Variants in ASCC1 observed in about 807,000 individuals in gnomAD.
ASCC1 encodes the protein activating signal cointegrator 1 complex subunit 1.
ASCC1 carries 35 observed loss-of-function variants against 46.6 expected under a neutral mutation model. The observed-to-expected ratio is 0.75, with a 90% CI of 0.57 to 0.99. The LOEUF (loss-of-function observed/expected upper bound fraction) is 0.99. ASCC1 is among the 50% of genes least tolerant of loss of function. The probability of loss-of-function intolerance (pLI) is 0.00; values close to 1 mark genes in which losing one functional copy is unlikely to be tolerated. For synonymous variants in ASCC1, 143 were observed against 146.6 expected (o/e 0.98, Z 0.18); for missense variants, 376 against 428.7 (o/e 0.88, Z 1.09).
rs554757187 is a variant in ASCC1, at chr10:72,186,093, G to A, written c.489+10718C>T. Among the ~76,000 whole-genome samples, 7 of 151,888 alleles carry A rather than the reference G, an allele frequency of 4.6e-5. 1 individual carries two copies. The South Asian group carries it at 8.3e-4, about 18-fold the overall frequency. ...TTAAAAATGGGAGTTAGCTTCTAAT[G>A]TATGGACCTGAAATATCATACGTAT... On this transcript the variant is annotated intron_variant, in intron 5 of 9. Coordinates refer to ENST00000672957, the MANE Select transcript of ASCC1 (RefSeq NM_001198800.3).
intron 5 of ASCC1, among the ~76,000 whole-genome samples, chr10:72,186,748 A>T (rs7088071): frequency 0.14 from 21,712 of 152,088 alleles, 4,426 homozygotes; most frequent in African/African-American, 0.45. Context: ...TTGAAGACAG[A>T]AAAGAGACTA....
At chr10:72,105,304 A>T (rs987385501) in intron 9 of ASCC1, among the ~76,000 whole-genome samples, 3 of 152,122 alleles carry the variant, frequency 2.0e-5, no homozygotes, top group African/African-American at 7.2e-5. Context: ...GGCTTTGGGG[A>T]TCGCTGGCAC....
intron 5 of ASCC1, among the ~76,000 whole-genome samples, chr10:72,174,432 C>T (rs1851616780): frequency 6.6e-6 from 1 of 152,148 alleles, no homozygotes; most frequent in Non-Finnish European, 1.5e-5. Flanking sequence ...TTCTCTGCTT[C>T]CTTAAAGCTC....
chr10:72,199,888 C>T (rs911343953), intron 4 of ASCC1, among the ~76,000 whole-genome samples: 1 of 152,018 alleles, frequency 6.6e-6, no homozygotes, highest in Non-Finnish European at 1.5e-5. Flanking sequence ...TGTGCCACCA[C>T]ACCCAGCCAA....
chr10:72,153,448 G>A (rs1322863019), intron 6 of ASCC1, among the ~76,000 whole-genome samples: 6 of 144,460 alleles, frequency 4.2e-5, no homozygotes, highest in East Asian at 2.0e-4. Flanking sequence ...TTTGTTTTGA[G>A]ACGGAGTTTT....
At chr10:72,180,405 C>T (rs1292391075) in intron 5 of ASCC1, among the ~76,000 whole-genome samples, 2 of 152,168 alleles carry the variant, frequency 1.3e-5, no homozygotes, top group Non-Finnish European at 2.9e-5. Context: ...GCAGGCAGAT[C>T]ACTTGAGGCC....
At chr10:72,201,064 A>G (rs1856431102) in intron 4 of ASCC1, among the ~76,000 whole-genome samples, 1 of 152,230 alleles carries the variant, frequency 6.6e-6, no homozygotes, top group African/African-American at 2.4e-5. Flanking sequence ...GATATAGAAC[A>G]TTCTCATCAA....
chr10:72,153,017 AT>A, intron 6 of ASCC1, 29 bp from the exon 7 acceptor site: 1 of 1,613,700 alleles, frequency 6.2e-7, no homozygotes, highest in South Asian at 1.1e-5. Flanking sequence ...TAAGATATCT[AT>A]AACTGTTTAA....
At chr10:72,105,769 A>G (rs752424484) in intron 9 of ASCC1, among the ~76,000 whole-genome samples, 7 of 152,136 alleles carry the variant, frequency 4.6e-5, no homozygotes, top group African/African-American at 7.2e-5. Context: ...AACAAATAGC[A>G]AGATTTAAGG....
At chr10:72,201,739 A>C (rs1444872143) in intron 4 of ASCC1, among the ~76,000 whole-genome samples, 1 of 152,120 alleles carries the variant, frequency 6.6e-6, no homozygotes, top group African/African-American at 2.4e-5. Context: ...GGAGTTCAAG[A>C]CCAGCCTGAG....
intron 5 of ASCC1, among the ~76,000 whole-genome samples, chr10:72,168,385 A>G (rs945539890): frequency 2.6e-5 from 4 of 152,188 alleles, no homozygotes; most frequent in Non-Finnish European, 5.9e-5. Context: ...ATCATTTCTC[A>G]CCCATCAAAC....
At chr10:72,180,013 A>C (rs1390531282) in intron 5 of ASCC1, among the ~76,000 whole-genome samples, 3 of 152,240 alleles carry the variant, frequency 2.0e-5, no homozygotes, top group Admixed American at 2.0e-4. Flanking sequence ...ACGGTGGCTC[A>C]CACCTGTAAT....
At chr10:72,101,546 G>A (rs1331978558) in intron 9 of ASCC1, among the ~76,000 whole-genome samples, 2 of 152,054 alleles carry the variant, frequency 1.3e-5, no homozygotes, top group Non-Finnish European at 2.9e-5. Context: ...CAGTTTAGAT[G>A]TTTGGAAGGT....
In ASCC1 at chr10:72,097,398, G is replaced by A. The variant is rs745576172; in HGVS notation, c.1010C>T (p.Ser337Phe). The A allele has an allele frequency of 1.9e-6, 3 of 1,614,038 alleles. No homozygotes were observed. Among genetic ancestry groups the A allele is most frequent in the Non-Finnish European group, 1.7e-6 (2 of 1,179,906 alleles). Residue 337 changes from serine (S) to phenylalanine (F), a missense_variant, in exon 10 of 10, where the codon TCT becomes TTT. By Grantham distance (155) the Ser-to-Phe change is radical. Coordinates refer to ENST00000672957, the MANE Select transcript of ASCC1 (RefSeq NM_001198800.3). ...AAAGCTGTCTACGGTGAACCTCTGA[G>A]AGATGTGAATTGAATTCAGCTTTAG... is the stretch of plus-strand genomic sequence containing the variant. ...GSLKLNSIHI[S>F]QRFTVDSFGN...
At chr10:72,172,825 ATT>A (rs1439738367) in intron 5 of ASCC1, among the ~76,000 whole-genome samples, 27 of 129,728 alleles carry the variant, frequency 2.1e-4, no homozygotes, top group African/African-American at 7.2e-4. Flanking sequence ...TATAATATAT[ATT>A]TTATATTTTT....
intron 1 of ASCC1, among the ~76,000 whole-genome samples, chr10:72,214,367 CTTT>C (rs970289326): frequency 3.2e-3 from 285 of 88,444 alleles, no homozygotes; most frequent in African/African-American, 9.8e-3. Context: ...CACAATATCT[CTTT>C]TTTTTTTTTT....
At chr10:72,179,616 G>A (rs1852308552) in intron 5 of ASCC1, among the ~76,000 whole-genome samples, 1 of 152,144 alleles carries the variant, frequency 6.6e-6, no homozygotes, top group Non-Finnish European at 1.5e-5. Flanking sequence ...GGCACCTTAG[G>A]CAAGTTACTC....
intron 7 of ASCC1, among the ~76,000 whole-genome samples, chr10:72,137,491 G>A (rs1463921596): frequency 1.5e-5 from 2 of 134,230 alleles, no homozygotes; most frequent in African/African-American, 3.0e-5. Flanking sequence ...TTGCGCCATT[G>A]CACTCCAGCC....
chr10:72,100,014 C>T (rs912226685), intron 9 of ASCC1, among the ~76,000 whole-genome samples: 2 of 152,008 alleles, frequency 1.3e-5, no homozygotes, highest in African/African-American at 4.8e-5. Context: ...CCATCATCAC[C>T]CTTGTATTTA....
Sources: allele counts gnomAD v4.1 joint callset (sites outside exome capture counted in the v4.1 genomes callset), GRCh38; gene constraint gnomAD v4.1.1; transcripts MANE v1.5; gene names NCBI Gene and HGNC (gene_info 2026-07-23, HGNC 2026-07-21).